The following PPP1R10 variants were observed in gnomAD, a reference collection of about 807,000 sequenced individuals.
The protein encoded by PPP1R10 is protein phosphatase 1 regulatory subunit 10.
Under a neutral mutation model 99.0 loss-of-function variants are expected in PPP1R10, and 15 were observed. The ratio of observed to expected loss-of-function variants is 0.15; its 90% CI spans 0.10 to 0.23. PPP1R10 has a LOEUF of 0.23. Ranked by LOEUF, PPP1R10 falls within the 10% of genes least tolerant of loss-of-function variation. PPP1R10 has a pLI of 1.00. For missense variants in PPP1R10, 947 were observed against 1,259.4 expected, an observed-to-expected ratio of 0.75 and a Z score of 3.75; for synonymous variants, 430 against 449.5, an observed-to-expected ratio of 0.96 and a Z score of 0.55.
In PPP1R10 at chr6:30,602,567, C is replaced by T; in HGVS notation, c.2082G>A (p.Gly694=). Residue 694 remains glycine, a synonymous_variant, in exon 19 of 20, where the codon GGG becomes GGA. Transcript: ENST00000376511. The surrounding 1 kb of genome is among the most constrained non-coding windows in gnomAD (Gnocchi z 6.7). ...GDPMRGGPMR[G]GPGPGPGPYH... ...ATGGTCCAGGACCTGGTCCTGGACC[C>T]CCCCGCATTGGGCCACCCCGCATAG... 6.4e-7 allele frequency: 1 copy of T among 1,564,606 alleles called. No homozygotes were observed. The highest frequency in any genetic ancestry group is 8.6e-7 in the Non-Finnish European group (1 of 1,157,910).
intron 17 of PPP1R10, 40 bp downstream of exon 17, chr6:30,603,170 C>A: frequency 6.4e-7 from 1 of 1,572,480 alleles, no homozygotes; most frequent in African/African-American, 1.4e-5. Flanking sequence ...CCACTGCAGG[C>A]TTCCTCCCCC....
rs1803289458 is a variant in PPP1R10, at chr6:30,601,330, T to C, written c.*219A>G. On this transcript the variant is annotated 3_prime_UTR_variant, in exon 20 of 20. Coordinates refer to ENST00000376511, the MANE Select transcript of PPP1R10 (RefSeq NM_002714.4). ...TCTCCTCTTCAGCAGTCCAGGAACG[T>C]TTCCAGTCTCTCTCCTCCCCAGACT... 1.7e-6 allele frequency: 1 copy of C among 571,824 alleles called. No homozygotes were observed. Among genetic ancestry groups the C allele is most frequent in the Non-Finnish European group, 3.1e-6 (1 of 321,630 alleles). The allele number at this position is 571,824 out of a possible 1,614,324, so 35.4% of individuals were successfully genotyped here.
chr6:30,606,594 G>A lies in PPP1R10; in HGVS notation c.508C>T (p.Leu170Phe). Reference protein sequence around the residue: ...RKDEGKSRTTLPERPLTEVKA... With the variant: ...RKDEGKSRTTFPERPLTEVKA... ...ACCTCTGTCAAAGGTCGCTCAGGAA[G>A]GGTAGTTCGACTTTTTCCTTCATCT... The change falls in exon 8 of 20, where the codon CTT (leucine) becomes TTT (phenylalanine). Residue 170 changes from leucine to phenylalanine, a missense_variant. By Grantham distance (22) the Leu-to-Phe change is conservative (BLOSUM62 0). Transcript: ENST00000376511. The surrounding 1 kb of genome is among the most constrained non-coding windows in gnomAD (Gnocchi z 6.3). 1 of 1,614,210 alleles carries A rather than the reference G, an allele frequency of 6.2e-7. No homozygotes were observed. The highest frequency in any genetic ancestry group is 8.5e-7 in the Non-Finnish European group (1 of 1,180,046).
rs892968437 is a variant in PPP1R10, at chr6:30,607,983, C to T, written c.331-92G>A. On this transcript the variant is annotated intron_variant, in intron 5 of 19. Transcript: ENST00000376511. ...ACGACAAAAGTTACAGTCCTCCCTG[C>T]TTTTTTTTTTTTTTTTATTTTTTGA... The T allele has an allele frequency of 2.4e-5, 22 of 906,430 alleles. No homozygotes were observed. In the East Asian group the frequency reaches 3.2e-4, roughly 13 times the overall value. 56.1% of individuals were successfully genotyped at this position (906,430 alleles called of 1,614,324 possible). A position where few individuals can be genotyped will look rare whatever the true frequency, so the allele number is the denominator to read the frequency against.
chr6:30,608,952 T>C, intron 4 of PPP1R10, 38 bp from the exon 5 acceptor site: 1 of 1,613,830 alleles, frequency 6.2e-7, no homozygotes, highest in Non-Finnish European at 8.5e-7. Flanking sequence ...TAATGCCCTT[T>C]CTAGGTTTTG....
intron 4 of PPP1R10, 40 bp from the exon 5 acceptor site, chr6:30,608,954 T>C (rs766001916): frequency 2.4e-5 from 39 of 1,613,666 alleles, no homozygotes; most frequent in Middle Eastern, 1.6e-4. Context: ...ATGCCCTTTC[T>C]AGGTTTTGAC....
intron 10 of PPP1R10, 122 bp from the exon 11 acceptor site, chr6:30,605,216 G>A: frequency 2.6e-6 from 2 of 769,400 alleles, no homozygotes; most frequent in Non-Finnish European, 4.2e-6. Flanking sequence ...GACACGATAA[G>A]CTCAAGAGGA....
intron 5 of PPP1R10, 82 bp from the exon 6 acceptor site, chr6:30,607,973 G>C: frequency 1.6e-6 from 2 of 1,243,794 alleles, no homozygotes; most frequent in Non-Finnish European, 2.3e-6. Context: ...AAAAGTTACA[G>C]TCCTCCCTGC....
chr6:30,613,468 T>C (rs1804757847), intron 2 of PPP1R10, among the ~76,000 whole-genome samples: 1 of 152,232 alleles, frequency 6.6e-6, no homozygotes, highest in Admixed American at 6.5e-5. Context: ...TTTGACACAA[T>C]AGTGGACTGA....
intron 5 of PPP1R10, 116 bp from the exon 6 acceptor site, chr6:30,608,007 G>A: frequency 9.6e-7 from 1 of 1,044,980 alleles, no homozygotes; most frequent in Non-Finnish European, 1.4e-6. Context: ...TTTATTTTTT[G>A]AGACGGAGTC....
chr6:30,610,736 T>G (rs534096409), intron 2 of PPP1R10, among the ~76,000 whole-genome samples: 1 of 152,316 alleles, frequency 6.6e-6, no homozygotes, highest in Non-Finnish European at 1.5e-5. Context: ...AAGATGCGAA[T>G]CTGGTCCTCT....
At chr6:30,612,860 C>T (rs2267639) in intron 2 of PPP1R10, among the ~76,000 whole-genome samples, 13,153 of 152,180 alleles carry the variant, frequency 0.086, 855 homozygotes, top group East Asian at 0.27. Flanking sequence ...AGGCAGGGGC[C>T]GTGACTAAGT....
In PPP1R10 at chr6:30,602,141, G is replaced by A. The variant is rs539001656; in HGVS notation, c.2508C>T (p.Gly836=). 3.5e-5 allele frequency: 57 copies of A among 1,608,170 alleles called. No homozygotes were observed. In the East Asian group the frequency reaches 6.8e-4, roughly 19 times the overall value. The change falls in exon 19 of 20, where the codon GGC becomes GGT. Residue 836 remains glycine, a synonymous_variant. Coordinates refer to ENST00000376511, the MANE Select transcript of PPP1R10 (RefSeq NM_002714.4). This position sits in a 1 kb window ranked among gnomAD's most constrained non-coding sequence, Gnocchi z 6.7. ...GTCCACCACTTCCACCCATGCTTCCGCCAGGGCCTTCGTGGGGGCGATGTC... is the reference window on the plus strand; with the variant it reads ...GTCCACCACTTCCACCCATGCTTCCACCAGGGCCTTCGTGGGGGCGATGTC... ...GGGHRPHEGP[G]GSMGGSGGHR... is the part of the protein sequence containing the mutation.
chr6:30,601,937 T>A lies in PPP1R10; in HGVS notation c.2712A>T (p.Gly904=), dbSNP rs1384211762. ...ATGGGGGACAGGGAGCATCCTCACC[T>A]CCTCCATGGCTGTGGCCTCCATCGT... ...RGHDGGHSHG[G]DMSNRPVCRH... Residue 904 remains glycine (G), a splice_region_variant and synonymous_variant, in exon 19 of 20, where the codon GGA becomes GGT. Coordinates refer to ENST00000376511, the MANE Select transcript of PPP1R10 (RefSeq NM_002714.4). 4.6e-6 allele frequency: 7 copies of A among 1,505,930 alleles called. No homozygotes were observed. The highest frequency in any genetic ancestry group is 6.2e-6 in the Non-Finnish European group (7 of 1,128,928). 93.3% of individuals were successfully genotyped at this position (1,505,930 alleles called of 1,614,324 possible).
rs879037207 is a variant in PPP1R10 at position 30,603,021 on chromosome 6, T to A, written c.1844-62A>T. The A allele has an allele frequency of 2.8e-6, 4 of 1,445,432 alleles. No individual in the cohort carries two copies. The South Asian group carries it at 5.3e-5, about 19-fold the overall frequency. The allele number at this position is 1,445,432 out of a possible 1,614,324, so 89.5% of individuals were successfully genotyped here. On this transcript the variant is annotated intron_variant, in intron 17 of 19. Transcript: ENST00000376511. ...TCTAGAAGACTAGCATGATCTCCCATTTAGGTGCAACCAACTGACCCTCTC... is the reference window on the plus strand; with the variant it reads ...TCTAGAAGACTAGCATGATCTCCCAATTAGGTGCAACCAACTGACCCTCTC...
intron 2 of PPP1R10, among the ~76,000 whole-genome samples, chr6:30,613,457 G>GT (rs1348075586): frequency 6.6e-6 from 1 of 152,100 alleles, no homozygotes; most frequent in Non-Finnish European, 1.5e-5. Flanking sequence ...GCACTTCCTA[G>GT]TTTGACACAA....
chr6:30,606,290 C>A lies in PPP1R10; in HGVS notation c.635-47G>T. On this transcript the variant is annotated intron_variant, in intron 8 of 19. Coordinates refer to ENST00000376511, the MANE Select transcript of PPP1R10 (RefSeq NM_002714.4). The surrounding 1 kb of genome is among the most constrained non-coding windows in gnomAD (Gnocchi z 6.3). ...GGGCAGCTGAACTCAAACCCCAGAC[C>A]CCCGAATTTTCCTCCCGTTCTCACC... 1 of 1,602,224 alleles carries A rather than the reference C, an allele frequency of 6.2e-7. No homozygotes were observed. The highest frequency in any genetic ancestry group is 8.5e-7 in the Non-Finnish European group (1 of 1,172,014).
chr6:30,613,978 A>T (rs1048464787), intron 2 of PPP1R10, among the ~76,000 whole-genome samples: 1 of 152,242 alleles, frequency 6.6e-6, no homozygotes. Flanking sequence ...GTAGGAAGTT[A>T]GCCCTAAGTC....
chr6:30,605,086 C>T lies in PPP1R10; in HGVS notation c.862G>A (p.Gly288Ser). Residue 288 changes from glycine (G) to serine (S), a missense_variant, in exon 11 of 20, where the codon GGC (glycine) becomes AGC (serine). This residue lies in a region of PPP1R10 where 26 missense variants were observed against 56.6 expected (regional missense o/e 0.46). Transcript: ENST00000376511. ...VKIIPPQPMEGLGFLDALNSA... is the reference protein window; with the variant it reads ...VKIIPPQPMESLGFLDALNSA... ...TTAAGAGCATCCAGAAAGCCCAGGCCCTCCATAGCTACAAAAAGAAAGAGC... is the reference window on the plus strand; with the variant it reads ...TTAAGAGCATCCAGAAAGCCCAGGCTCTCCATAGCTACAAAAAGAAAGAGC... The T allele has an allele frequency of 6.2e-7, 1 of 1,612,696 alleles. No individual in the cohort carries two copies. Among genetic ancestry groups the T allele is most frequent in the Non-Finnish European group, 8.5e-7 (1 of 1,179,910 alleles).
Sources: allele counts gnomAD v4.1 joint callset (sites outside exome capture counted in the v4.1 genomes callset), GRCh38; gene constraint gnomAD v4.1.1; regional missense constraint gnomAD v4.1.1; non-coding constraint Gnocchi (gnomAD v3.1); transcripts MANE v1.5; gene names NCBI Gene and HGNC (gene_info 2026-07-23, HGNC 2026-07-21).